Variants in ZNF521 observed in about 807,000 individuals in gnomAD.
ZNF521 encodes zinc finger protein 521.
In ZNF521, 14 loss-of-function variants were observed where a neutral mutation model predicts 105.5. That is an observed-to-expected ratio of 0.13 (90% CI 0.09 to 0.21). ZNF521 has a LOEUF of 0.21. ZNF521 is among the 10% of genes least tolerant of loss of function. The pLI, the probability that ZNF521 is intolerant of heterozygous loss-of-function variation, is 1.00. For synonymous variants in ZNF521, 635 were observed against 606.0 expected, an observed-to-expected ratio of 1.05 and a Z score of -0.70; for missense variants, 1,233 against 1,629.7, an observed-to-expected ratio of 0.76 and a Z score of 4.19.
At chr18:25,237,774 T>C (rs1304339258) in intron 3 of ZNF521, among the ~76,000 whole-genome samples, 1 of 152,212 alleles carries the variant, frequency 6.6e-6, no homozygotes, top group Non-Finnish European at 1.5e-5. Context: ...TCTGCTCTTT[T>C]CTCTTAAGAT....
chr18:25,222,896 C>G (rs1905828663), intron 4 of ZNF521, among the ~76,000 whole-genome samples: 1 of 152,058 alleles, frequency 6.6e-6, no homozygotes, highest in Admixed American at 6.6e-5. Flanking sequence ...TGTCATGATA[C>G]CTGCAACTTT....
chr18:25,332,534 A>G (rs768439517), intron 2 of ZNF521, among the ~76,000 whole-genome samples: 12 of 152,176 alleles, frequency 7.9e-5, no homozygotes, highest in Non-Finnish European at 1.5e-4. Context: ...AAGAAAAGCC[A>G]CACAACCAAA....
At chr18:25,189,747 T>C (rs1182386780) in intron 5 of ZNF521, among the ~76,000 whole-genome samples, 2 of 152,252 alleles carry the variant, frequency 1.3e-5, no homozygotes, top group East Asian at 1.9e-4. Flanking sequence ...TTACAAATCA[T>C]GCAGCCATCT....
rs550907738 is a variant in ZNF521 at position 25,071,889 on chromosome 18, C to T, written c.3907-9148G>A. 1.4e-4 allele frequency among the ~76,000 whole-genome samples: 21 copies of T among 152,060 alleles called. 1 individual carries two copies. Among genetic ancestry groups the T allele is most frequent in the Middle Eastern group, 3.4e-3 (1 of 294 alleles). ...TTGGAGGAGTCACACATGCCTGGTG[C>T]GGGAGAGATGAGGAGGCAGAGGTAA... On this transcript the variant is annotated intron_variant, in intron 7 of 7. Coordinates refer to ENST00000361524, the MANE Select transcript of ZNF521 (RefSeq NM_015461.3).
chr18:25,332,914 G>A (rs1247054949), intron 2 of ZNF521, among the ~76,000 whole-genome samples: 2 of 152,098 alleles, frequency 1.3e-5, no homozygotes, highest in Non-Finnish European at 2.9e-5. Context: ...GAACGTGTAC[G>A]CCATTATCAT....
chr18:25,131,358 A>C (rs1205299062), intron 5 of ZNF521, among the ~76,000 whole-genome samples: 1 of 152,154 alleles, frequency 6.6e-6, no homozygotes, highest in Non-Finnish European at 1.5e-5. Context: ...CATCCCACGT[A>C]CAATTTTCCC....
In ZNF521 at chr18:25,258,560, G is replaced by A. The variant is rs77775817; in HGVS notation, c.221-30863C>T. Among the ~76,000 whole-genome samples the A allele has an allele frequency of 5.9e-3, 895 of 152,198 alleles. 6 individuals carry two copies. Among genetic ancestry groups the A allele is most frequent in the African/African-American group, 0.021 (864 of 41,538 alleles). Reference sequence around the variant, plus strand: ...AGAATAGCTTCCCAAGAAATGTGTCGGAAGCTGAGATGCTGGAGGGAATTT... The same window carrying A: ...AGAATAGCTTCCCAAGAAATGTGTCAGAAGCTGAGATGCTGGAGGGAATTT... On this transcript the variant is annotated intron_variant, in intron 3 of 7. Coordinates refer to ENST00000361524, the MANE Select transcript of ZNF521 (RefSeq NM_015461.3).
intron 4 of ZNF521, among the ~76,000 whole-genome samples, chr18:25,195,747 T>G (rs1409340414): frequency 6.6e-6 from 1 of 151,782 alleles, no homozygotes; most frequent in Non-Finnish European, 1.5e-5. Flanking sequence ...GGCTAAAGTC[T>G]ACAATTTAAA....
chr18:25,103,819 G>A (rs1003724502), intron 5 of ZNF521, among the ~76,000 whole-genome samples: 1 of 151,106 alleles, frequency 6.6e-6, no homozygotes, highest in Non-Finnish European at 1.5e-5. Flanking sequence ...AGGGAAGGAG[G>A]AAATAAGGAA....
At chr18:25,350,812 C>A in intron 2 of ZNF521, 95 bp downstream of exon 2, 2 of 1,400,998 alleles carry the variant, frequency 1.4e-6, no homozygotes, top group Non-Finnish European at 1.9e-6. Context: ...CACACTCACG[C>A]GCGCACACGC....
chr18:25,271,884 A>T (rs1909685875), intron 3 of ZNF521, among the ~76,000 whole-genome samples: 1 of 152,226 alleles, frequency 6.6e-6, no homozygotes, highest in Admixed American at 6.5e-5. Flanking sequence ...CACCAAAAGC[A>T]TTGGCAACAA....
intron 7 of ZNF521, among the ~76,000 whole-genome samples, chr18:25,069,364 A>G (rs139719751): frequency 6.6e-6 from 1 of 152,336 alleles, no homozygotes; most frequent in Non-Finnish European, 1.5e-5. Context: ...GGTTAACAGG[A>G]TGTGAATGTT....
chr18:25,153,024 C>A (rs1438387195), intron 5 of ZNF521, among the ~76,000 whole-genome samples: 1 of 152,072 alleles, frequency 6.6e-6, no homozygotes, highest in Non-Finnish European at 1.5e-5. Flanking sequence ...ACCCTGTGAT[C>A]TTTATAAAAT....
At chr18:25,270,380 T>G (rs1487444324) in intron 3 of ZNF521, among the ~76,000 whole-genome samples, 2 of 152,186 alleles carry the variant, frequency 1.3e-5, no homozygotes. Context: ...CTTCTGAAAC[T>G]ATTCCAAACA....
intron 3 of ZNF521, among the ~76,000 whole-genome samples, chr18:25,246,466 C>G (rs1364113713): frequency 6.6e-6 from 1 of 151,942 alleles, no homozygotes; most frequent in Non-Finnish European, 1.5e-5. Context: ...TTGTTTGATC[C>G]TATTTTCCTT....
chr18:25,331,581 C>T (rs571056090), intron 2 of ZNF521, among the ~76,000 whole-genome samples: 65 of 152,290 alleles, frequency 4.3e-4, no homozygotes, highest in African/African-American at 1.5e-3. Context: ...AAATCTGCGG[C>T]TAAATGCCTT....
intron 4 of ZNF521, among the ~76,000 whole-genome samples, chr18:25,199,580 T>C (rs2035958307): frequency 6.6e-6 from 1 of 152,004 alleles, no homozygotes; most frequent in African/African-American, 2.4e-5. Flanking sequence ...CAATTTACTT[T>C]CAAAAGTTTC....
At chr18:25,158,437 A>G (rs1013373000) in intron 5 of ZNF521, among the ~76,000 whole-genome samples, 1 of 152,112 alleles carries the variant, frequency 6.6e-6, no homozygotes, top group Non-Finnish European at 1.5e-5. Flanking sequence ...CATTTTCCCA[A>G]TTGGCCATAA....
chr18:25,163,353 T>C (rs2035282479), intron 5 of ZNF521, among the ~76,000 whole-genome samples: 2 of 152,208 alleles, frequency 1.3e-5, no homozygotes, highest in Admixed American at 6.5e-5. Flanking sequence ...GCAGTATTTT[T>C]TATAACAAAG....
Sources: allele counts gnomAD v4.1 joint callset (sites outside exome capture counted in the v4.1 genomes callset), GRCh38; gene constraint gnomAD v4.1.1; transcripts MANE v1.5; gene names NCBI Gene and HGNC (gene_info 2026-07-23, HGNC 2026-07-21).